Variants in CTIF observed in about 807,000 individuals in gnomAD.
The protein encoded by CTIF is cap binding complex dependent translation initiation factor.
CTIF carries 21 observed loss-of-function variants against 66.0 expected under a neutral mutation model. The observed-to-expected ratio is 0.32, with a 90% confidence interval of 0.23 to 0.46. The LOEUF (loss-of-function observed/expected upper bound fraction) is 0.46. CTIF is among the 20% of genes least tolerant of loss of function. The pLI is 1.00. For synonymous variants in CTIF, 345 were observed against 326.4 expected (o/e 1.06, Z -0.62); for missense variants, 739 against 812.7 (o/e 0.91, Z 1.10).
At chr18:48,837,281 C>G (rs918004921) in intron 10 of CTIF, among the ~76,000 whole-genome samples, 1 of 152,164 alleles carries the variant, frequency 6.6e-6, no homozygotes, top group African/African-American at 2.4e-5. Flanking sequence ...CTGGTGCCTG[C>G]CTCACAGGGT....
At chr18:48,637,999 C>T (rs1296957284) in intron 3 of CTIF, among the ~76,000 whole-genome samples, 2 of 152,120 alleles carry the variant, frequency 1.3e-5, no homozygotes, top group Non-Finnish European at 2.9e-5. Context: ...CACTTGTCTG[C>T]CCTCCTCCCC....
chr18:48,800,139 C>T (rs1371393795), intron 9 of CTIF, among the ~76,000 whole-genome samples: 1 of 152,176 alleles, frequency 6.6e-6, no homozygotes, highest in African/African-American at 2.4e-5. Flanking sequence ...AGGTGGGGCA[C>T]CTTGGTATGC....
intron 1 of CTIF, among the ~76,000 whole-genome samples, chr18:48,613,266 G>A (rs928951309): frequency 1.3e-5 from 2 of 152,132 alleles, no homozygotes; most frequent in African/African-American, 4.8e-5. Context: ...TCCAATGTCA[G>A]CCTTACCTTT....
chr18:48,816,307 A>C (rs2068362816), intron 9 of CTIF, among the ~76,000 whole-genome samples: 1 of 152,180 alleles, frequency 6.6e-6, no homozygotes, highest in Non-Finnish European at 1.5e-5. Context: ...GCCAAAACCA[A>C]AGACAAGAGG....
intron 9 of CTIF, among the ~76,000 whole-genome samples, chr18:48,811,364 G>C (rs1371048271): frequency 6.6e-6 from 1 of 151,868 alleles, no homozygotes; most frequent in Non-Finnish European, 1.5e-5. Flanking sequence ...CATAAATTTT[G>C]TTGGCCATAA....
chr18:48,859,982 G>A lies in CTIF; in HGVS notation c.*423G>A, dbSNP rs1252931943. On this transcript the variant is annotated 3_prime_UTR_variant, in exon 12 of 12. Coordinates refer to ENST00000256413, the MANE Select transcript of CTIF (RefSeq NM_014772.3). The stretch of plus-strand genomic sequence containing the variant: ...GGACCTCGGAAGGCTGAAAAAGTGG[G>A]TCGGAGACGGGCTCGCATTGTTCCC... The A allele has an allele frequency of 2.2e-6, 1 of 462,406 alleles. No homozygotes were observed. The highest frequency in any genetic ancestry group is 4.3e-6 in the Non-Finnish European group (1 of 231,280). 28.6% of individuals were successfully genotyped at this position (462,406 alleles called of 1,614,324 possible).
intron 1 of CTIF, among the ~76,000 whole-genome samples, chr18:48,582,125 C>T (rs1278611927): frequency 6.6e-6 from 1 of 151,962 alleles, no homozygotes; most frequent in East Asian, 1.9e-4. Flanking sequence ...GGGCTGGGTA[C>T]CCTGAGAGTG....
intron 5 of CTIF, among the ~76,000 whole-genome samples, chr18:48,668,483 C>T (rs1393668032): frequency 1.3e-5 from 2 of 152,220 alleles, no homozygotes; most frequent in African/African-American, 2.4e-5. Context: ...CACCTGCTCA[C>T]CTGTAGCCCC....
chr18:48,649,116 G>A (rs1238851516), intron 3 of CTIF, among the ~76,000 whole-genome samples: 1 of 152,150 alleles, frequency 6.6e-6, no homozygotes, highest in Non-Finnish European at 1.5e-5. Context: ...GACAGTGGAC[G>A]CAGCCCACAG....
intron 6 of CTIF, among the ~76,000 whole-genome samples, chr18:48,695,960 T>G (rs189659825): frequency 2.8e-4 from 43 of 152,350 alleles, no homozygotes; most frequent in African/African-American, 1.0e-3. Flanking sequence ...TGCTGTCTCC[T>G]TTTTCTTTAT....
chr18:48,597,716 A>G (rs1311209535), intron 1 of CTIF, among the ~76,000 whole-genome samples: 1 of 152,208 alleles, frequency 6.6e-6, no homozygotes, highest in East Asian at 1.9e-4. Flanking sequence ...GAACCAATGA[A>G]GCCTTTTTTC....
chr18:48,833,204 A>G (rs1324505360), intron 10 of CTIF, among the ~76,000 whole-genome samples: 1 of 152,212 alleles, frequency 6.6e-6, no homozygotes, highest in Non-Finnish European at 1.5e-5. Context: ...CTGGAAAGCA[A>G]TTAGATGAGG....
At chr18:48,585,576 T>A (rs1269770680) in intron 1 of CTIF, among the ~76,000 whole-genome samples, 1 of 152,200 alleles carries the variant, frequency 6.6e-6, no homozygotes. Flanking sequence ...ATGACAGTAC[T>A]GTTTCCCCTG....
At chr18:48,630,133 T>C (rs2090675966) in intron 2 of CTIF, among the ~76,000 whole-genome samples, 1 of 152,176 alleles carries the variant, frequency 6.6e-6, no homozygotes, top group South Asian at 2.1e-4. Context: ...AATCATCCCT[T>C]TGTCCAGCGT....
chr18:48,701,964 T>G (rs2092090554), intron 6 of CTIF, among the ~76,000 whole-genome samples: 1 of 152,202 alleles, frequency 6.6e-6, no homozygotes, highest in Non-Finnish European at 1.5e-5. Context: ...TCAAAGTATT[T>G]TAAACGTAAA....
intron 1 of CTIF, among the ~76,000 whole-genome samples, chr18:48,558,930 A>G (rs2089085139): frequency 6.6e-6 from 1 of 152,240 alleles, no homozygotes; most frequent in Non-Finnish European, 1.5e-5. Context: ...GTAAACTCAT[A>G]CTGGAAAACC....
At chr18:48,618,694 G>A (rs1711989037) in intron 1 of CTIF, among the ~76,000 whole-genome samples, 17 of 152,216 alleles carry the variant, frequency 1.1e-4, no homozygotes, top group Admixed American at 1.1e-3. Context: ...GGCCCCTGCA[G>A]GGCTGGGTTG....
chr18:48,591,743 T>C (rs1320047031), intron 1 of CTIF, among the ~76,000 whole-genome samples: 1 of 152,158 alleles, frequency 6.6e-6, no homozygotes, highest in African/African-American at 2.4e-5. Flanking sequence ...GCTGCACTTT[T>C]TCTTTTCTTT....
At chr18:48,653,157 G>C (rs538157742) in intron 3 of CTIF, among the ~76,000 whole-genome samples, 1 of 152,108 alleles carries the variant, frequency 6.6e-6, no homozygotes, top group East Asian at 1.9e-4. Flanking sequence ...AGAAATAAAG[G>C]GTATTCAATG....
Sources: allele counts gnomAD v4.1 joint callset (sites outside exome capture counted in the v4.1 genomes callset), GRCh38; gene constraint gnomAD v4.1.1; transcripts MANE v1.5; gene names NCBI Gene and HGNC (gene_info 2026-07-23, HGNC 2026-07-21).